TESC: variants seen among roughly 807,000 people sequenced by gnomAD.
TESC encodes the protein tescalcin, also known as calcineurin B homologous protein 3.
TESC carries 19 observed loss-of-function variants against 31.0 expected under a neutral mutation model. That is an observed-to-expected ratio of 0.61 (90% confidence interval 0.43 to 0.90). The LOEUF (loss-of-function observed/expected upper bound fraction) is 0.90, where lower values mean the gene tolerates loss of function less well. TESC is among the 40% of genes least tolerant of loss of function. The pLI, the probability that TESC is intolerant of heterozygous loss-of-function variation, is 0.00. For missense variants in TESC, 248 were observed against 303.8 expected (o/e 0.82, Z 1.36); for synonymous variants, 109 against 114.8 (o/e 0.95, Z 0.32).
rs969559632 is a variant in TESC, at chr12:117,042,122, G to C, written c.520-128C>G. On this transcript the variant is annotated intron_variant, in intron 6 of 7. Coordinates refer to ENST00000335209, the MANE Select transcript of TESC (RefSeq NM_017899.4). ...GTAAGTTGTTGAGGCTGTTTGGGAG[G>C]AATCACAAGAAGAGGAGAACGTTCT... 9 of 921,216 alleles carry C rather than the reference G, an allele frequency of 9.8e-6. 1 individual carries two copies. In the Admixed American group the frequency reaches 2.0e-4, roughly 20 times the overall value. The allele number at this position is 921,216 out of a possible 1,614,324, so 57.1% of individuals were successfully genotyped here.
chr12:117,077,044 C>T (rs1955083682), intron 1 of TESC, among the ~76,000 whole-genome samples: 1 of 152,160 alleles, frequency 6.6e-6, no homozygotes, highest in Admixed American at 6.6e-5. Flanking sequence ...CTGTTTTGCT[C>T]CTGTTACAGA....
chr12:117,052,119 G>A (rs1565961385), intron 3 of TESC, among the ~76,000 whole-genome samples: 2 of 152,166 alleles, frequency 1.3e-5, no homozygotes, highest in South Asian at 2.1e-4. Context: ...GAAGATCAGT[G>A]GACAGAAAAC....
chr12:117,096,843 C>A (rs67402554), intron 1 of TESC, among the ~76,000 whole-genome samples: 16,270 of 152,168 alleles, frequency 0.11, 943 homozygotes, highest in South Asian at 0.11. Flanking sequence ...GTCCCTGCCA[C>A]AGGGCCTCTG....
intron 1 of TESC, 109 bp from the exon 2 acceptor site, chr12:117,075,449 C>A: frequency 8.9e-7 from 1 of 1,129,940 alleles, no homozygotes; most frequent in Non-Finnish European, 1.3e-6. Flanking sequence ...TGCCACACCC[C>A]TTCTCAAAGC....
chr12:117,094,125 C>T lies in TESC; in HGVS notation c.58+5100G>A, dbSNP rs187809552. 2.2e-3 allele frequency among the ~76,000 whole-genome samples: 339 copies of T among 152,300 alleles called. 2 individuals are homozygous for T. The highest frequency in any genetic ancestry group is 6.2e-4 in the Non-Finnish European group (42 of 68,014). On this transcript the variant is annotated intron_variant, in intron 1 of 7. Coordinates refer to ENST00000335209, the MANE Select transcript of TESC (RefSeq NM_017899.4). ...GGTGAGCTCAATCACACCCCCGGGA[C>T]GCCTTCGCTCGGGCTTTTCATATGA...
rs761040708 is a variant in TESC, at chr12:117,049,150, C to T, written c.218G>A (p.Arg73His). Residue 73 changes from arginine to histidine, a missense_variant, in exon 4 of 8, where the codon CGC (arginine) becomes CAC (histidine). By Grantham distance (29) the Arg-to-His change is conservative (BLOSUM62 0). Transcript: ENST00000335209. ...VRAFFDNRNL[R>H]KGPSGLADEI... The stretch of plus-strand genomic sequence containing the variant: ...ATCAGCCAGGCCACTGGGTCCCTTG[C>T]GCAGGTTCCTACGGGAGCAACAAGG... The T allele has an allele frequency of 1.4e-5, 22 of 1,614,074 alleles. No individual in the cohort carries two copies. The highest frequency in any genetic ancestry group is 5.0e-5 in the Admixed American group (3 of 60,008).
At position 117,047,747 on chromosome 12, in the gene TESC, A is replaced by G. The variant is rs182036140; in HGVS notation, c.350-909T>C. Among the ~76,000 whole-genome samples the G allele has an allele frequency of 3.9e-3, 593 of 151,444 alleles. 4 individuals carry two copies. The highest frequency in any genetic ancestry group is 0.01 in the Middle Eastern group (3 of 292). On this transcript the variant is annotated intron_variant, in intron 4 of 7. Coordinates refer to ENST00000335209, the MANE Select transcript of TESC (RefSeq NM_017899.4). The stretch of plus-strand genomic sequence containing the variant: ...CCGGCATTTATTTTTTATTATTGTT[A>G]TTATTTTTTTCAGAGATGGGGTCTC...
intron 6 of TESC, among the ~76,000 whole-genome samples, chr12:117,044,403 C>T (rs1291010060): frequency 1.3e-5 from 2 of 152,306 alleles, no homozygotes; most frequent in East Asian, 1.9e-4. Flanking sequence ...CCCTCCCTGC[C>T]GGGCCTCCCT....
At chr12:117,092,687 G>A (rs945140393) in intron 1 of TESC, among the ~76,000 whole-genome samples, 1 of 152,226 alleles carries the variant, frequency 6.6e-6, no homozygotes, top group African/African-American at 2.4e-5. Flanking sequence ...ACTGTCTGAG[G>A]AGGGAGCCTG....
Position 117,042,715 on chromosome 12 carries a change from C to T in TESC, c.520-721G>A, listed in dbSNP as rs573887918. On this transcript the variant is annotated intron_variant, in intron 6 of 7. Coordinates refer to ENST00000335209, the MANE Select transcript of TESC (RefSeq NM_017899.4). ...CCCCTTTCACCGATACTCCAGGATC[C>T]CACCGACAAGCCTCCAAAAACCTCA... 5.3e-5 allele frequency among the ~76,000 whole-genome samples: 8 copies of T among 152,316 alleles called. No homozygotes were observed. In the South Asian group the frequency reaches 1.7e-3, roughly 32 times the overall value.
At chr12:117,058,129 A>C (rs1459998723) in intron 2 of TESC, among the ~76,000 whole-genome samples, 1 of 152,084 alleles carries the variant, frequency 6.6e-6, no homozygotes, top group Non-Finnish European at 1.5e-5. Context: ...CTCAGACACA[A>C]GAGTTGCTTG....
At position 117,075,094 on chromosome 12, in the gene TESC, C is replaced by T. The variant is rs1245411502; in HGVS notation, c.128+177G>A. ...CCAGGAGGCAGAGCTTGCAGTGAGC[C>T]GAGACAGCACCACTGCACTCCAGCC... On this transcript the variant is annotated intron_variant, in intron 2 of 7. Coordinates refer to ENST00000335209, the MANE Select transcript of TESC (RefSeq NM_017899.4). 3.3e-5 allele frequency among the ~76,000 whole-genome samples: 5 copies of T among 151,970 alleles called. No individual in the cohort carries two copies. The East Asian group carries it at 7.7e-4, about 23-fold the overall frequency.
chr12:117,077,450 G>C (rs1268334087), intron 1 of TESC, among the ~76,000 whole-genome samples: 1 of 152,212 alleles, frequency 6.6e-6, no homozygotes. Context: ...GCATACTTCT[G>C]TTCACCCAAG....
intron 3 of TESC, among the ~76,000 whole-genome samples, chr12:117,052,723 C>T (rs1197414725): frequency 6.6e-6 from 1 of 152,196 alleles, no homozygotes; most frequent in Non-Finnish European, 1.5e-5. Flanking sequence ...CTGCCCTCAG[C>T]TCCAGACCCG....
At chr12:117,040,656 T>C (rs1163938850) in intron 7 of TESC, among the ~76,000 whole-genome samples, 1 of 152,138 alleles carries the variant, frequency 6.6e-6, no homozygotes, top group African/African-American at 2.4e-5. Context: ...GTGCAAATTC[T>C]GCCTTTTCCC....
At chr12:117,055,207 T>A (rs1954703145) in intron 3 of TESC, among the ~76,000 whole-genome samples, 1 of 152,152 alleles carries the variant, frequency 6.6e-6, no homozygotes, top group African/African-American at 2.4e-5. Context: ...AGTGGTGCAA[T>A]CTCGACTTAC....
At chr12:117,085,266 G>T (rs1027478931) in intron 1 of TESC, among the ~76,000 whole-genome samples, 1 of 152,144 alleles carries the variant, frequency 6.6e-6, no homozygotes, top group African/African-American at 2.4e-5. Context: ...GGGCGTGAAG[G>T]CCTCATCTAT....
At chr12:117,082,603 AAT>A (rs1204763230) in intron 1 of TESC, among the ~76,000 whole-genome samples, 6 of 152,180 alleles carry the variant, frequency 3.9e-5, no homozygotes, top group Admixed American at 3.9e-4. Flanking sequence ...AGCCTTTATA[AAT>A]ATTTTTTGAA....
chr12:117,043,361 C>T (rs1186509735), intron 6 of TESC, among the ~76,000 whole-genome samples: 1 of 152,010 alleles, frequency 6.6e-6, no homozygotes, highest in Non-Finnish European at 1.5e-5. Flanking sequence ...TTCTGTACAA[C>T]GTGTGTTTAA....
Sources: allele counts gnomAD v4.1 joint callset (sites outside exome capture counted in the v4.1 genomes callset), GRCh38; gene constraint gnomAD v4.1.1; transcripts MANE v1.5; gene names NCBI Gene and HGNC (gene_info 2026-07-23, HGNC 2026-07-21).